Variants in CYRIB observed in about 807,000 individuals in gnomAD.
CYRIB encodes CYFIP-related Rac1 interactor B.
Under a neutral mutation model 44.2 loss-of-function variants are expected in CYRIB, and 8 were observed. That is an observed-to-expected ratio of 0.18 (90% CI 0.11 to 0.33). The LOEUF is 0.33. Among genes scored for constraint, CYRIB ranks in the 10% least tolerant of loss-of-function variants. The pLI is 1.00. For missense variants in CYRIB, 185 were observed against 382.8 expected (o/e 0.48, Z 4.31); for synonymous variants, 131 against 127.2 (o/e 1.03, Z -0.20).
chr8:130,013,161 A>T (rs2097264697), intron 1 of CYRIB, among the ~76,000 whole-genome samples: 1 of 152,216 alleles, frequency 6.6e-6, no homozygotes, highest in African/African-American at 2.4e-5. Context: ...ATAATCATGG[A>T]TGGTGATCAC....
intron 2 of CYRIB, among the ~76,000 whole-genome samples, chr8:129,883,658 T>C (rs117046451): frequency 0.016 from 2,483 of 152,276 alleles, 25 homozygotes; most frequent in Middle Eastern, 0.048. Flanking sequence ...TGTGACTGTT[T>C]TCAACTAATA....
chr8:130,004,490 G>A (rs1367616905), intron 1 of CYRIB: 2 of 152,154 alleles, frequency 1.3e-5, no homozygotes, highest in Non-Finnish European at 2.9e-5. Flanking sequence ...TAATATAAAA[G>A]TGTATTTTGC....
intron 4 of CYRIB, chr8:129,864,758 A>G (rs1032456286): frequency 2.7e-6 from 1 of 372,210 alleles, no homozygotes; most frequent in Non-Finnish European, 5.2e-6. Flanking sequence ...CCTTCGGTAC[A>G]TTGCTAAGGA....
At chr8:129,877,931 C>T (rs1052454115) in intron 3 of CYRIB, among the ~76,000 whole-genome samples, 1 of 151,884 alleles carries the variant, frequency 6.6e-6, no homozygotes, top group Non-Finnish European at 1.5e-5. Flanking sequence ...GACACAAGAC[C>T]AAGTTTGAAA....
intron 11 of CYRIB, among the ~76,000 whole-genome samples, chr8:129,845,182 A>C (rs2039123435): frequency 6.6e-6 from 1 of 152,192 alleles, no homozygotes; most frequent in South Asian, 2.1e-4. Context: ...CCTTAAAGTG[A>C]AACGTAGATT....
At chr8:129,996,425 T>G (rs2096768502) in intron 1 of CYRIB, among the ~76,000 whole-genome samples, 1 of 152,108 alleles carries the variant, frequency 6.6e-6, no homozygotes, top group South Asian at 2.1e-4. Flanking sequence ...CCTAGTACAG[T>G]GCCTGGCACA....
intron 1 of CYRIB, among the ~76,000 whole-genome samples, chr8:130,012,157 G>A (rs77885588): frequency 0.012 from 1,881 of 151,880 alleles, 32 homozygotes; most frequent in African/African-American, 0.039. Flanking sequence ...TTATGAACAC[G>A]ATGTTCAAGG....
At chr8:129,975,584 C>A (rs576837976) in intron 1 of CYRIB, among the ~76,000 whole-genome samples, 1 of 152,292 alleles carries the variant, frequency 6.6e-6, no homozygotes, top group Admixed American at 6.5e-5. Context: ...ACCCAGGCTA[C>A]AAGTTAAGAG....
At chr8:129,954,135 G>A (rs1043876540) in intron 2 of CYRIB, among the ~76,000 whole-genome samples, 5 of 152,160 alleles carry the variant, frequency 3.3e-5, no homozygotes, top group Admixed American at 6.5e-5. Context: ...AGGGGAGAAT[G>A]TTACCTTGCC....
At chr8:129,863,371 A>G (rs2051070766) in intron 4 of CYRIB, among the ~76,000 whole-genome samples, 1 of 152,102 alleles carries the variant, frequency 6.6e-6, no homozygotes, top group Non-Finnish European at 1.5e-5. Flanking sequence ...CCAAAAATAC[A>G]AAAATTAGTC....
Position 129,852,272 on chromosome 8 carries a change from C to T in CYRIB, c.523G>A (p.Gly175Arg), listed in dbSNP as rs370641130. 6.0e-5 allele frequency: 94 copies of T among 1,556,668 alleles called. No individual in the cohort carries two copies. Among genetic ancestry groups the T allele is most frequent in the Non-Finnish European group, 7.2e-5 (83 of 1,150,206 alleles). Residue 175 changes from glycine (G) to arginine (R), a missense_variant, in exon 8 of 12, where the codon GGA becomes AGA. Coordinates refer to ENST00000519824, the Ensembl canonical transcript of CYRIB. Reference sequence around the variant, plus strand: ...AATTCATTATTTACTTCATTTTCTCCTTCTGCCTGTGGGGAAGGTAAAAGC... The same window carrying T: ...AATTCATTATTTACTTCATTTTCTCTTTCTGCCTGTGGGGAAGGTAAAAGC...
At chr8:129,875,269 C>CA (rs2058716215) in intron 3 of CYRIB, among the ~76,000 whole-genome samples, 1 of 139,376 alleles carries the variant, frequency 7.2e-6, no homozygotes, top group Admixed American at 7.2e-5. Context: ...CCATTCAGTG[C>CA]TTTTTTTTTT....
At chr8:129,984,786 GT>G (rs996324514) in intron 1 of CYRIB, among the ~76,000 whole-genome samples, 1 of 151,756 alleles carries the variant, frequency 6.6e-6, no homozygotes, top group African/African-American at 2.4e-5. Flanking sequence ...TTTTGTTTTT[GT>G]TTTTTTGAGA....
chr8:129,909,676 G>A (rs2077028574), intron 1 of CYRIB, among the ~76,000 whole-genome samples: 1 of 151,852 alleles, frequency 6.6e-6, no homozygotes, highest in African/African-American at 2.4e-5. Flanking sequence ...AAGACTTTGT[G>A]AGATTAGAAG....
chr8:129,881,492 C>T (rs1012176805), intron 2 of CYRIB, among the ~76,000 whole-genome samples: 6 of 152,194 alleles, frequency 3.9e-5, no homozygotes, highest in Non-Finnish European at 7.3e-5. Flanking sequence ...CTGTGGCATC[C>T]CCCTCTTCCA....
chr8:129,881,201 A>G (rs541113950), intron 2 of CYRIB, among the ~76,000 whole-genome samples: 5 of 152,306 alleles, frequency 3.3e-5, no homozygotes, highest in African/African-American at 1.2e-4. Flanking sequence ...AGTGAGGATG[A>G]AAGTGGGAAA....
At chr8:129,892,313 G>GA (rs1184429422) in intron 2 of CYRIB, among the ~76,000 whole-genome samples, 2 of 152,162 alleles carry the variant, frequency 1.3e-5, no homozygotes, top group Non-Finnish European at 2.9e-5. Flanking sequence ...AGTTTCTCTT[G>GA]AAAATACGTT....
chr8:129,862,718 C>A (rs1056267862), intron 4 of CYRIB, among the ~76,000 whole-genome samples: 2 of 152,136 alleles, frequency 1.3e-5, no homozygotes, highest in African/African-American at 4.8e-5. Context: ...GTGATCCACC[C>A]ACCTTGGCCT....
At chr8:129,893,312 T>C (rs1588898136) in intron 2 of CYRIB, among the ~76,000 whole-genome samples, 1 of 152,308 alleles carries the variant, frequency 6.6e-6, no homozygotes, top group East Asian at 1.9e-4. Context: ...TGATGAATAC[T>C]GAATATCTGG....
Sources: allele counts gnomAD v4.1 joint callset (sites outside exome capture counted in the v4.1 genomes callset), GRCh38; gene constraint gnomAD v4.1.1; transcripts MANE v1.5; gene names NCBI Gene and HGNC (gene_info 2026-07-23, HGNC 2026-07-21).